Variants in CNTRL observed in about 807,000 individuals in gnomAD.
The protein encoded by CNTRL is centriolin, also known as 110 kDa centrosomal protein.
Under a neutral mutation model 303.7 loss-of-function variants are expected in CNTRL, and 233 were observed. That is an observed-to-expected ratio of 0.77 (90% CI 0.69 to 0.86). The LOEUF is 0.86. Among genes scored for constraint, CNTRL ranks in the 40% least tolerant of loss-of-function variants. The pLI, the probability that CNTRL is intolerant of heterozygous loss-of-function variation, is 0.00. For missense variants in CNTRL, 2,524 were observed against 2,650.6 expected (o/e 0.95, Z 1.05); for synonymous variants, 900 against 922.2 (o/e 0.98, Z 0.44).
Position 121,162,156 on chromosome 9 carries a change from C to T in CNTRL, c.5308C>T (p.Arg1770Ter), listed in dbSNP as rs750888824. 23 of 1,613,950 alleles carry T rather than the reference C, an allele frequency of 1.4e-5. No homozygotes were observed. Among genetic ancestry groups the T allele is most frequent in the Middle Eastern group, 3.3e-4 (2 of 6,084 alleles). The stretch of plus-strand genomic sequence containing the variant: ...TGAGAGGGATAAACGAGAAATAGAA[C>T]GAATGACTGCTGAGTCCCGAGCTTT... The part of the protein sequence containing the change: ...LLERDKREIE[R>*]MTAESRALQS... Residue 1770 changes from arginine to a stop codon, truncating the protein, a stop_gained, in exon 34 of 44, where the codon CGA becomes TGA. Transcript: ENST00000373855. LOFTEE classifies it high-confidence loss of function.
intron 27 of CNTRL, among the ~76,000 whole-genome samples, chr9:121,155,216 G>A (rs964193785): frequency 1.3e-5 from 2 of 152,094 alleles, no homozygotes; most frequent in East Asian, 1.9e-4. Context: ...CACACCCCAC[G>A]TCCTTATCCT....
chr9:121,127,301 C>T (rs922976374), intron 14 of CNTRL, among the ~76,000 whole-genome samples: 2 of 152,086 alleles, frequency 1.3e-5, no homozygotes, highest in African/African-American at 2.4e-5. Context: ...GCATAACATT[C>T]CTGCACACAT....
rs773983292 is a variant in CNTRL, at chr9:121,173,523, C to G, written c.6684+14C>G. The G allele has an allele frequency of 2.5e-6, 4 of 1,611,918 alleles. No individual in the cohort carries two copies. Among genetic ancestry groups the G allele is most frequent in the Non-Finnish European group, 3.4e-6 (4 of 1,178,768 alleles). On this transcript the variant is annotated intron_variant, in intron 41 of 43. Transcript: ENST00000373855. ...GTTCACATAATGGTAAGGGTTTATC[C>G]TGCTATTCTCTGGGTTCGTAGGATT... is the stretch of plus-strand genomic sequence containing the variant.
chr9:121,140,050 A>G (rs1564260159), intron 16 of CNTRL, among the ~76,000 whole-genome samples: 1 of 152,204 alleles, frequency 6.6e-6, no homozygotes, highest in Non-Finnish European at 1.5e-5. Flanking sequence ...GCAATGAACC[A>G]AAACCTACTC....
At chr9:121,124,139 CATT>C in intron 13 of CNTRL, 55 bp downstream of exon 13, 2 of 1,438,624 alleles carry the variant, frequency 1.4e-6, no homozygotes, top group Non-Finnish European at 9.4e-7. Flanking sequence ...GTAAAAGAAA[CATT>C]ATAAAGACAA....
At position 121,145,891 on chromosome 9, in the gene CNTRL, T is replaced by C. The variant is rs1172986361; in HGVS notation, c.3311-217T>C. The stretch of plus-strand genomic sequence containing the variant: ...CAGACTGGATGACGGAGTGAGACTC[T>C]GTCTCAAAAAAAGAAAAAAAGAGTT... On this transcript the variant is annotated intron_variant, in intron 22 of 43. Transcript: ENST00000373855. Among the ~76,000 whole-genome samples the C allele has an allele frequency of 3.3e-5, 5 of 152,288 alleles. No homozygotes were observed. In the Middle Eastern group the frequency reaches 0.01, roughly 311 times the overall value.
At chr9:121,149,846 C>G (rs1244243989) in intron 24 of CNTRL, among the ~76,000 whole-genome samples, 1 of 152,136 alleles carries the variant, frequency 6.6e-6, no homozygotes, top group African/African-American at 2.4e-5. Flanking sequence ...GTGGTAAACA[C>G]TGAGTGCTGT....
At chr9:121,125,990 A>C (rs895204581) in intron 14 of CNTRL, 54 bp downstream of exon 14, 12 of 1,452,538 alleles carry the variant, frequency 8.3e-6, no homozygotes, top group Admixed American at 1.7e-5. Flanking sequence ...ATAATGTCCA[A>C]ATTAAGTTAG....
intron 20 of CNTRL, among the ~76,000 whole-genome samples, chr9:121,144,579 GAC>G (rs1458491706): frequency 5.9e-5 from 9 of 152,236 alleles, no homozygotes; most frequent in African/African-American, 2.2e-4. Context: ...AGCCCAGAGA[GAC>G]ATAATCATGG....
In CNTRL at chr9:121,098,452, G is replaced by C; in HGVS notation, c.688G>C (p.Val230Leu). The change falls in exon 7 of 44, where the codon GTT becomes CTT. Residue 230 changes from valine to leucine, a missense_variant. By Grantham distance (32) the Val-to-Leu change is conservative (BLOSUM62 1). Coordinates refer to ENST00000373855, the MANE Select transcript of CNTRL (RefSeq NM_007018.6). ...LISLILVENPVVTLPHYLQFT... is the reference protein window; with the variant it reads ...LISLILVENPLVTLPHYLQFT... ...TTCTCTGATCCTAGTTGAAAATCCA[G>C]TTGTGACCCTTCCTCATTACCTCCA... is the stretch of plus-strand genomic sequence containing the variant. 6.2e-7 allele frequency: 1 copy of C among 1,613,840 alleles called. No individual in the cohort carries two copies. Among genetic ancestry groups the C allele is most frequent in the Non-Finnish European group, 8.5e-7 (1 of 1,179,798 alleles).
chr9:121,162,208 A>G lies in CNTRL; in HGVS notation c.5360A>G (p.Lys1787Arg). 1 of 1,614,216 alleles carries G rather than the reference A, an allele frequency of 6.2e-7. No individual in the cohort carries two copies. Among genetic ancestry groups the G allele is most frequent in the Non-Finnish European group, 8.5e-7 (1 of 1,180,038 alleles). The change falls in exon 34 of 44, where the codon AAA (lysine) becomes AGA (arginine). Residue 1787 changes from lysine to arginine, a missense_variant. Coordinates refer to ENST00000373855, the MANE Select transcript of CNTRL (RefSeq NM_007018.6). ...CAATCGTGTGTTGAGTGTTTGAGCA[A>G]AGAAAAGGAAGATCTCCAAGAGAAA... is the stretch of plus-strand genomic sequence containing the variant. ...ALQSCVECLS[K>R]EKEDLQEKCD...
intron 15 of CNTRL, among the ~76,000 whole-genome samples, chr9:121,136,569 C>A (rs2051208922): frequency 1.3e-5 from 2 of 152,164 alleles, no homozygotes; most frequent in Non-Finnish European, 2.9e-5. Flanking sequence ...CCTCAGCCTC[C>A]CAAAGTGCTG....
At chr9:121,129,614 A>C (rs568359099) in intron 14 of CNTRL, among the ~76,000 whole-genome samples, 1 of 152,280 alleles carries the variant, frequency 6.6e-6, no homozygotes, top group Non-Finnish European at 1.5e-5. Flanking sequence ...TTCCTAATTG[A>C]ATACCCTTTA....
intron 43 of CNTRL, among the ~76,000 whole-genome samples, chr9:121,176,063 C>T (rs903662688): frequency 6.6e-6 from 1 of 152,194 alleles, no homozygotes; most frequent in African/African-American, 2.4e-5. Flanking sequence ...GTAGCACACA[C>T]AACTGTCAGA....
chr9:121,157,322 T>C (rs2052622519), intron 27 of CNTRL, 148 bp from the exon 28 acceptor site: 1 of 703,068 alleles, frequency 1.4e-6, no homozygotes, highest in Non-Finnish European at 2.3e-6. Flanking sequence ...TCTGAATTAT[T>C]TACCGAGAAT....
chr9:121,120,025 A>C (rs902984002), intron 12 of CNTRL, among the ~76,000 whole-genome samples: 3 of 152,142 alleles, frequency 2.0e-5, no homozygotes, highest in Non-Finnish European at 4.4e-5. Flanking sequence ...CTACTCTAAG[A>C]AGTTGTACTA....
At chr9:121,081,909 A>C (rs2048155345) in intron 2 of CNTRL, among the ~76,000 whole-genome samples, 1 of 151,724 alleles carries the variant, frequency 6.6e-6, no homozygotes, top group African/African-American at 2.4e-5. Flanking sequence ...TAAAGTCCCA[A>C]CCCTCTAAAC....
intron 25 of CNTRL, 86 bp from the exon 26 acceptor site, chr9:121,152,399 C>G: frequency 8.0e-6 from 9 of 1,118,364 alleles, no homozygotes; most frequent in Non-Finnish European, 1.2e-5. Flanking sequence ...ACCACTTTAA[C>G]CACAGTTAAT....
In CNTRL at chr9:121,144,924, C is replaced by T. The variant is rs775803445; in HGVS notation, c.3133C>T (p.Leu1045Phe). ...DLTRAEAEIE[L>F]LQNLLRQKGE... ...CACCCGAGCAGAAGCTGAGATCGAACTCCTGCAGAATCTCCTCAGGCAGAA... is the reference window on the plus strand; with the variant it reads ...CACCCGAGCAGAAGCTGAGATCGAATTCCTGCAGAATCTCCTCAGGCAGAA... Residue 1045 changes from leucine to phenylalanine, a missense_variant, in exon 21 of 44, where the codon CTC (leucine) becomes TTC (phenylalanine). Coordinates refer to ENST00000373855, the MANE Select transcript of CNTRL (RefSeq NM_007018.6). 1 of 1,613,472 alleles carries T rather than the reference C, an allele frequency of 6.2e-7. No individual in the cohort carries two copies. Among genetic ancestry groups the T allele is most frequent in the Non-Finnish European group, 8.5e-7 (1 of 1,179,908 alleles).
Sources: gnomAD v4.1 joint callset for allele counts (sites outside exome capture counted in the v4.1 genomes callset) on GRCh38, gnomAD v4.1.1 for gene constraint, MANE v1.5 for transcripts, NCBI Gene and HGNC (gene_info 2026-07-23, HGNC 2026-07-21) for gene names.